The following PEX16 variants were observed in gnomAD, a reference collection of about 807,000 sequenced individuals.
PEX16 encodes the protein peroxin 16.
A neutral mutation model predicts 50.5 loss-of-function variants in PEX16; 37 were observed. That is an observed-to-expected ratio of 0.73 (90% CI 0.56 to 0.96). The LOEUF is 0.96. Ranked by LOEUF, PEX16 falls within the 40% of genes least tolerant of loss-of-function variation. PEX16 has a pLI of 0.00. For synonymous variants in PEX16, 185 were observed against 190.3 expected (o/e 0.97, Z 0.23); for missense variants, 401 against 438.3 (o/e 0.91, Z 0.76).
At position 45,910,165 on chromosome 11, in the gene PEX16, G is replaced by A. The variant is rs757852866; in HGVS notation, c.*89C>T. The stretch of plus-strand genomic sequence containing the variant: ...CCTGGCCGGTAGGCACGGAGAGGCC[G>A]CACGCTGGGACGCTGCCGGAGTCAG... On this transcript the variant is annotated 3_prime_UTR_variant, in exon 11 of 11. Transcript: ENST00000378750. 1.1e-5 allele frequency: 18 copies of A among 1,611,916 alleles called. No homozygotes were observed. The highest frequency in any genetic ancestry group is 5.3e-5 in the African/African-American group (4 of 74,874).
intron 10 of PEX16, among the ~76,000 whole-genome samples, chr11:45,910,614 C>A (rs1473261318): frequency 6.6e-6 from 1 of 152,156 alleles, no homozygotes; most frequent in Non-Finnish European, 1.5e-5. Flanking sequence ...CCATTGAATC[C>A]CCCCAAGATG....
upstream of PEX16, chr11:45,917,879 C>G (rs1327144938): frequency 2.6e-6 from 3 of 1,143,714 alleles, no homozygotes; most frequent in South Asian, 1.3e-5. Context: ...GCTTCCTGCG[C>G]CCTCCTTCCT....
rs187663300 is a variant in PEX16 at position 45,914,218 on chromosome 11, G to A, written c.695-15C>T. 152 of 1,613,666 alleles carry A rather than the reference G, an allele frequency of 9.4e-5. No homozygotes were observed. The Admixed American group carries it at 1.1e-3, about 12-fold the overall frequency. ...CAGGCTGAGCACTGACGGCCAAGGC[G>A]TCAAGGATGTCTCCAGCACAGGGGC... On this transcript the variant is annotated splice_polypyrimidine_tract_variant and intron_variant, in intron 7 of 10. Transcript: ENST00000378750.
chr11:45,915,595 T>C, intron 4 of PEX16, 27 bp from the exon 5 acceptor site: 2 of 1,613,540 alleles, frequency 1.2e-6, no homozygotes, highest in Non-Finnish European at 8.5e-7. Flanking sequence ...GTCAGGGTTG[T>C]GGGGAGGTGG....
intron 9 of PEX16, among the ~76,000 whole-genome samples, chr11:45,912,351 T>G (rs1007053304): frequency 6.6e-6 from 1 of 151,584 alleles, no homozygotes; most frequent in African/African-American, 2.4e-5. Flanking sequence ...TCAAAAAAAA[T>G]TAGCCAGGCA....
chr11:45,917,709 G>A lies in PEX16; in HGVS notation c.103C>T (p.Leu35=), dbSNP rs1427588700. 49 of 1,558,502 alleles carry A rather than the reference G, an allele frequency of 3.1e-5. No homozygotes were observed. The highest frequency in any genetic ancestry group is 4.2e-5 in the Non-Finnish European group (48 of 1,150,932). ...AAGGTCAGGGTGGCACCTGCCAGCA[G>A]GTAACTGAAGCCCCGCACTGCTGTC... ...LETAVRGFSY[L]LAGRFADSHE... is the part of the protein sequence containing the mutation. The change falls in exon 1 of 11, where the codon CTG becomes TTG. Residue 35 remains leucine, a synonymous_variant. Transcript: ENST00000378750.
intron 2 of PEX16, chr11:45,917,147 A>G: frequency 1.5e-6 from 1 of 659,518 alleles, no homozygotes; most frequent in Non-Finnish European, 2.8e-6. Context: ...TCTTCCTTAA[A>G]TGGACAGTGA....
Position 45,913,849 on chromosome 11 carries a change from A to G in PEX16, c.857T>C (p.Leu286Pro), listed in dbSNP as rs777528117. The change falls in exon 9 of 11, where the codon CTG (leucine) becomes CCG (proline). Residue 286 changes from leucine to proline, a missense_variant. Physicochemically the swap from Leu to Pro is moderately conservative, Grantham distance 98. Coordinates refer to ENST00000378750, the MANE Select transcript of PEX16 (RefSeq NM_004813.4). The part of the protein sequence containing the change: ...RRTILLLYYL[L>P]RSPFYDRFSE... Reference sequence around the variant, plus strand: ...GAAGCGGTCATAGAAAGGAGAGCGCAGCAGGTAGTAGAGCAGCAGGATGGT... The same window carrying G: ...GAAGCGGTCATAGAAAGGAGAGCGCGGCAGGTAGTAGAGCAGCAGGATGGT... The G allele has an allele frequency of 6.2e-7, 1 of 1,613,724 alleles. No individual in the cohort carries two copies. The highest frequency in any genetic ancestry group is 8.5e-7 in the Non-Finnish European group (1 of 1,179,944).
Position 45,917,862 on chromosome 11 carries a change from G to C in PEX16, c.-51C>G, listed in dbSNP as rs1173432344. On this transcript the variant is annotated 5_prime_UTR_variant, in exon 1 of 11. Coordinates refer to ENST00000378750, the MANE Select transcript of PEX16 (RefSeq NM_004813.4). ...CAGAAGGACCGTACGACAGGCTGCG[G>C]CGCCCTGCTTCCTGCGCCCTCCTTC... 7 of 1,329,540 alleles carry C rather than the reference G, an allele frequency of 5.3e-6. No homozygotes were observed. The South Asian group carries it at 8.8e-5, about 17-fold the overall frequency. The allele number at this position is 1,329,540 out of a possible 1,614,324, so 82.4% of individuals were successfully genotyped here.
chr11:45,916,138 T>A (rs954936292), intron 3 of PEX16, 89 bp downstream of exon 3: 4 of 971,814 alleles, frequency 4.1e-6, no homozygotes, highest in Non-Finnish European at 6.7e-6. Flanking sequence ...TCATACTCCA[T>A]GAGACATGTG....
chr11:45,910,925 G>A lies in PEX16; in HGVS notation c.925C>T (p.His309Tyr). The A allele has an allele frequency of 1.2e-6, 2 of 1,613,610 alleles. No individual in the cohort carries two copies. Among genetic ancestry groups the A allele is most frequent in the Non-Finnish European group, 1.7e-6 (2 of 1,180,010 alleles). ...ILFLLQLLAD[H>Y]VPGVGLVTRP... ...GTGACCAGGCCAACGCCAGGGACGT[G>A]GTCGGCCAGCAACTGGAGCAGGAAG... The change falls in exon 10 of 11, where the codon CAC becomes TAC. Residue 309 changes from histidine (H) to tyrosine (Y), a missense_variant. Transcript: ENST00000378750.
intron 10 of PEX16, 105 bp from the exon 11 acceptor site, chr11:45,910,417 TGTCTTGC>T: frequency 4.4e-6 from 4 of 909,292 alleles, no homozygotes; most frequent in Non-Finnish European, 7.3e-6. Flanking sequence ...CCCAGCTGGC[TGTCTTGC>T]CCTGCCCCCA....
chr11:45,918,783 C>A (rs897774628), upstream of PEX16: 2 of 152,206 alleles, frequency 1.3e-5, no homozygotes, highest in Non-Finnish European at 2.9e-5. Context: ...AACCAAGCAG[C>A]CTCCCTGGAA....
upstream of PEX16, chr11:45,918,103 A>C (rs2086859974): frequency 6.0e-6 from 3 of 502,478 alleles, no homozygotes; most frequent in Admixed American, 3.2e-5. Flanking sequence ...CGCCGTCAGC[A>C]CCCAGCTCTT....
At chr11:45,917,106 A>C (rs1449057891) in intron 2 of PEX16, 1 of 591,614 alleles carries the variant, frequency 1.7e-6, no homozygotes, top group Admixed American at 2.2e-5. Flanking sequence ...TTCTGGGACC[A>C]TCAGTGACTG....
rs1242648558 is a variant in PEX16 at position 45,910,071 on chromosome 11, C to T, written c.*183G>A. On this transcript the variant is annotated 3_prime_UTR_variant, in exon 11 of 11. Transcript: ENST00000378750. ...GACAAGGTGCGGGCTGCAGTGGCAT[C>T]GTCACAGGAGAGCGCAGTCAAGGGT... is the stretch of plus-strand genomic sequence containing the variant. The T allele has an allele frequency of 3.1e-6, 5 of 1,602,918 alleles. No homozygotes were observed. The highest frequency in any genetic ancestry group is 4.3e-6 in the Non-Finnish European group (5 of 1,172,820).
At chr11:45,915,634 G>A in intron 4 of PEX16, 66 bp from the exon 5 acceptor site, 1 of 1,612,904 alleles carries the variant, frequency 6.2e-7, no homozygotes. Flanking sequence ...GGGATGCTCT[G>A]CTGAGCACCA....
chr11:45,917,261 T>A, intron 2 of PEX16, 197 bp downstream of exon 2: 1 of 684,468 alleles, frequency 1.5e-6, no homozygotes, highest in South Asian at 1.5e-5. Context: ...TCAGATAAGG[T>A]CCCCAGACGT....
chr11:45,917,092 T>G (rs1173064252), intron 2 of PEX16: 5 of 567,344 alleles, frequency 8.8e-6, no homozygotes, highest in African/African-American at 1.8e-5. Context: ...GACTTGAATC[T>G]TGGTTCTGGG....
Sources: allele counts gnomAD v4.1 joint callset (sites outside exome capture counted in the v4.1 genomes callset), GRCh38; gene constraint gnomAD v4.1.1; transcripts MANE v1.5; gene names NCBI Gene and HGNC (gene_info 2026-07-23, HGNC 2026-07-21).